Variants in TNRC6B observed in about 807,000 individuals in gnomAD.
The protein encoded by TNRC6B is trinucleotide repeat containing adaptor 6B.
In TNRC6B, 52 loss-of-function variants were observed where a neutral mutation model predicts 203.6. The observed-to-expected ratio is 0.26, with a 90% confidence interval of 0.20 to 0.32. The LOEUF (loss-of-function observed/expected upper bound fraction) is 0.32, where lower values mean the gene tolerates loss of function less well. Ranked by LOEUF, TNRC6B falls within the 10% of genes least tolerant of loss-of-function variation. TNRC6B has a pLI of 1.00. For missense variants in TNRC6B, 1,923 were observed against 2,286.2 expected (o/e 0.84, Z 3.24); for synonymous variants, 838 against 845.7 (o/e 0.99, Z 0.16).
At chr22:40,153,897 T>C (rs2068784879) in intron 3 of TNRC6B, among the ~76,000 whole-genome samples, 3 of 150,936 alleles carry the variant, frequency 2.0e-5, no homozygotes. Flanking sequence ...TAAATTATAA[T>C]AAATCATTAA....
intron 6 of TNRC6B, among the ~76,000 whole-genome samples, chr22:40,270,580 A>T (rs1322798255): frequency 6.6e-6 from 1 of 151,992 alleles, no homozygotes; most frequent in African/African-American, 2.4e-5. Flanking sequence ...GGCCTCCCAA[A>T]GTCCTGGGAC....
intron 1 of TNRC6B, among the ~76,000 whole-genome samples, chr22:40,049,442 A>G (rs376222340): frequency 2.6e-5 from 4 of 152,076 alleles, no homozygotes; most frequent in Non-Finnish European, 2.9e-5. Flanking sequence ...ACTAAGGTCA[A>G]TTACTAAGGG....
intron 3 of TNRC6B, among the ~76,000 whole-genome samples, chr22:40,130,263 A>C (rs569101019): frequency 6.6e-6 from 1 of 152,284 alleles, no homozygotes; most frequent in East Asian, 1.9e-4. Context: ...GCTCAGGCCC[A>C]AATCCTGCTC....
chr22:40,223,026 C>G (rs1601897287), intron 1 of TNRC6B, among the ~76,000 whole-genome samples: 1 of 152,158 alleles, frequency 6.6e-6, no homozygotes, highest in East Asian at 1.9e-4. Flanking sequence ...GGATTATAGG[C>G]ATGAGCCACC....
intron 2 of TNRC6B, among the ~76,000 whole-genome samples, chr22:40,117,949 A>C (rs2068405872): frequency 6.6e-6 from 1 of 152,188 alleles, no homozygotes; most frequent in Non-Finnish European, 1.5e-5. Flanking sequence ...TCAATGCCTA[A>C]AAGAGGCCCC....
At chr22:40,152,298 G>A (rs1333727268) in intron 3 of TNRC6B, among the ~76,000 whole-genome samples, 4 of 152,106 alleles carry the variant, frequency 2.6e-5, no homozygotes, top group East Asian at 1.9e-4. Context: ...AATTTTGGAC[G>A]GAAAAGTTTA....
chr22:40,281,663 A>G (rs934294191), intron 11 of TNRC6B, among the ~76,000 whole-genome samples: 1 of 152,220 alleles, frequency 6.6e-6, no homozygotes, highest in African/African-American at 2.4e-5. Context: ...GATCTTTTCA[A>G]TTTAATAAAC....
intron 3 of TNRC6B, among the ~76,000 whole-genome samples, chr22:40,153,732 GAGGA>G (rs1216465668): frequency 6.6e-6 from 1 of 151,792 alleles, no homozygotes; most frequent in Non-Finnish European, 1.5e-5. Flanking sequence ...CTTACATTGT[GAGGA>G]AGGGAGGATG....
At chr22:40,320,747 A>G (rs1373044188) in intron 21 of TNRC6B, among the ~76,000 whole-genome samples, 3 of 152,236 alleles carry the variant, frequency 2.0e-5, no homozygotes, top group South Asian at 2.1e-4. Flanking sequence ...CAGGTCAGCC[A>G]TCAGCATTTT....
In TNRC6B at chr22:40,328,614, A is replaced by G. The variant is rs372443325; in HGVS notation, c.*5373A>G. 7.2e-5 allele frequency: 11 copies of G among 152,072 alleles called. No homozygotes were observed. The highest frequency in any genetic ancestry group is 5.8e-4 in the East Asian group (3 of 5,176). 9.4% of individuals were successfully genotyped at this position (152,072 alleles called of 1,614,324 possible). A position where few individuals can be genotyped will look rare whatever the true frequency, so the allele number is the denominator to read the frequency against. Reference sequence around the variant, plus strand: ...GACCTCAGATGCTGTGTACTTTTTAATTTCATTTTTTATATTCTGCCATCT... The same window carrying G: ...GACCTCAGATGCTGTGTACTTTTTAGTTTCATTTTTTATATTCTGCCATCT... On this transcript the variant is annotated 3_prime_UTR_variant, in exon 23 of 23. Coordinates refer to ENST00000454349, the MANE Select transcript of TNRC6B (RefSeq NM_001162501.2).
At chr22:40,082,897 G>A (rs1266355512) in intron 1 of TNRC6B, among the ~76,000 whole-genome samples, 1 of 152,180 alleles carries the variant, frequency 6.6e-6, no homozygotes, top group Non-Finnish European at 1.5e-5. Flanking sequence ...GGGAAGTCAA[G>A]AGTTAAAATT....
rs547470995 is a variant in TNRC6B at position 40,057,994 on chromosome 22, CCTT to C, written c.-121+13000_-121+13002del. Among the ~76,000 whole-genome samples, 285 of 152,294 alleles carry C rather than the reference CCTT, an allele frequency of 1.9e-3. 2 individuals are homozygous for C. The highest frequency in any genetic ancestry group is 0.014 in the Middle Eastern group (4 of 294). The stretch of plus-strand genomic sequence containing the variant: ...TCTACTCTTTAGTCAATTTTGTCAA[CCTT>C]CTTTTTACTATACAAGTTTTATATT... On this transcript the variant is annotated intron_variant, in intron 1 of 23. Coordinates refer to the TNRC6B transcript ENST00000301923.
At chr22:40,279,032 T>C (rs770448412) in intron 9 of TNRC6B, among the ~76,000 whole-genome samples, 1 of 152,244 alleles carries the variant, frequency 6.6e-6, no homozygotes, top group Non-Finnish European at 1.5e-5. Context: ...TGAACCACTG[T>C]GCCCAGCCCT....
chr22:40,079,279 G>A (rs928892024), intron 1 of TNRC6B, among the ~76,000 whole-genome samples: 1 of 152,116 alleles, frequency 6.6e-6, no homozygotes. Context: ...GAAGCTCTAA[G>A]ATGCTTCTGG....
At chr22:40,215,425 C>T (rs2146427572) in intron 1 of TNRC6B, among the ~76,000 whole-genome samples, 1 of 152,316 alleles carries the variant, frequency 6.6e-6, no homozygotes. Flanking sequence ...GCCAACGGGG[C>T]AGGAGAGGGT....
At chr22:40,171,287 G>A (rs1007359937) in intron 4 of TNRC6B, among the ~76,000 whole-genome samples, 1 of 149,684 alleles carries the variant, frequency 6.7e-6, no homozygotes, top group South Asian at 2.1e-4. Context: ...TCAGCCTCCC[G>A]AGTAGCTGAG....
At chr22:40,202,194 C>T (rs1301324057) in intron 1 of TNRC6B, among the ~76,000 whole-genome samples, 1 of 151,168 alleles carries the variant, frequency 6.6e-6, no homozygotes, top group Non-Finnish European at 1.5e-5. Flanking sequence ...TTCTGTATAC[C>T]CTGCTTGAAA....
At chr22:40,185,390 G>T (rs944421371) in intron 1 of TNRC6B, among the ~76,000 whole-genome samples, 1 of 152,128 alleles carries the variant, frequency 6.6e-6, no homozygotes, top group Non-Finnish European at 1.5e-5. Flanking sequence ...AGGGAATACT[G>T]TACTATTTTA....
intron 3 of TNRC6B, among the ~76,000 whole-genome samples, chr22:40,140,651 C>CT (rs1313962354): frequency 2.7e-5 from 4 of 150,712 alleles, no homozygotes; most frequent in South Asian, 2.1e-4. Flanking sequence ...TATCTTATTC[C>CT]TTTTTTTTTG....
Sources: allele counts gnomAD v4.1 joint callset (sites outside exome capture counted in the v4.1 genomes callset), GRCh38; gene constraint gnomAD v4.1.1; transcripts MANE v1.5; gene names NCBI Gene and HGNC (gene_info 2026-07-23, HGNC 2026-07-21).